EYS: variants seen among roughly 807,000 people sequenced by gnomAD.
The protein encoded by EYS is EGF-like photoreceptor maintenance factor, also known as protein eyes shut homolog.
Under a neutral mutation model 282.1 loss-of-function variants are expected in EYS, and 250 were observed. The observed-to-expected ratio is 0.89, with a 90% confidence interval of 0.80 to 0.98. The LOEUF is 0.98. Ranked by LOEUF, EYS falls within the 50% of genes least tolerant of loss-of-function variation. The pLI, the probability that EYS is intolerant of heterozygous loss-of-function variation, is 0.00. For missense variants in EYS, 4,016 were observed against 3,709.0 expected (o/e 1.08, Z -2.15); for synonymous variants, 1,355 against 1,282.9 (o/e 1.06, Z -1.20).
At chr6:65,449,191 T>C (rs1399067136) in intron 5 of EYS, among the ~76,000 whole-genome samples, 1 of 152,096 alleles carries the variant, frequency 6.6e-6, no homozygotes. Flanking sequence ...ATGGTTTCCT[T>C]GATGTTCTCA....
chr6:64,785,427 A>C (rs2132278), intron 22 of EYS, among the ~76,000 whole-genome samples: 62,953 of 152,020 alleles, frequency 0.41, 15,534 homozygotes, highest in Admixed American at 0.59. Context: ...TGAACAAATT[A>C]CCTAAGGTCA....
At chr6:64,919,785 A>T (rs1768279951) in intron 15 of EYS, among the ~76,000 whole-genome samples, 1 of 152,150 alleles carries the variant, frequency 6.6e-6, no homozygotes, top group African/African-American at 2.4e-5. Context: ...GAGTTATTTA[A>T]TTCAAGCTGC....
chr6:64,970,340 G>A (rs758831156), intron 14 of EYS, among the ~76,000 whole-genome samples: 1 of 152,110 alleles, frequency 6.6e-6, no homozygotes, highest in Non-Finnish European at 1.5e-5. Context: ...TGGGATTACA[G>A]GCATGGGCTC....
intron 6 of EYS, among the ~76,000 whole-genome samples, chr6:65,403,899 T>A (rs1470345962): frequency 2.6e-5 from 4 of 152,098 alleles, no homozygotes; most frequent in African/African-American, 9.7e-5. Flanking sequence ...CTATTAATAG[T>A]TCTTGATAGA....
At position 63,810,247 on chromosome 6, in the gene EYS, C is replaced by G. The variant is rs1270122452; in HGVS notation, c.7229-3875G>C. On this transcript the variant is annotated intron_variant, in intron 36 of 42. Coordinates refer to ENST00000503581, the MANE Select transcript of EYS (RefSeq NM_001142800.2). ...CTGCACTCCAGCCTGGGAGGCAGAG[C>G]GAGATTCCATCTCAAAAAAAAAAAA... Among the ~76,000 whole-genome samples, 8 of 134,624 alleles carry G rather than the reference C, an allele frequency of 5.9e-5. No individual in the cohort carries two copies. The East Asian group carries it at 1.7e-3, about 29-fold the overall frequency. The allele number at this position is 134,624 out of a possible 152,430, so 88.3% of individuals were successfully genotyped here.
intron 28 of EYS, among the ~76,000 whole-genome samples, chr6:64,395,662 T>C (rs1340051270): frequency 2.0e-5 from 3 of 151,094 alleles, no homozygotes; most frequent in Admixed American, 6.6e-5. Flanking sequence ...AGGGATAGCA[T>C]TGGCAGATAT....
At chr6:65,252,119 T>C (rs754246091) in intron 12 of EYS, among the ~76,000 whole-genome samples, 9 of 151,872 alleles carry the variant, frequency 5.9e-5, no homozygotes, top group Non-Finnish European at 1.2e-4. Flanking sequence ...GTCATGGAAG[T>C]GAAGAGCAGA....
intron 2 of EYS, among the ~76,000 whole-genome samples, chr6:65,613,253 A>C (rs936937765): frequency 6.6e-6 from 1 of 151,908 alleles, no homozygotes; most frequent in African/African-American, 2.4e-5. Flanking sequence ...ATAGATGTTC[A>C]GAATATTGGT....
At chr6:64,244,078 T>C (rs1259158359) in intron 30 of EYS, among the ~76,000 whole-genome samples, 1 of 152,156 alleles carries the variant, frequency 6.6e-6, no homozygotes, top group Non-Finnish European at 1.5e-5. Flanking sequence ...TCCCCAAATA[T>C]TTTTGAGTAC....
At chr6:63,975,847 G>A (rs1766810280) in intron 35 of EYS, among the ~76,000 whole-genome samples, 1 of 151,976 alleles carries the variant, frequency 6.6e-6, no homozygotes, top group Non-Finnish European at 1.5e-5. Flanking sequence ...ATGTCACTCA[G>A]TAACACTTCT....
At chr6:64,474,898 T>A (rs894770293) in intron 26 of EYS, among the ~76,000 whole-genome samples, 1 of 152,192 alleles carries the variant, frequency 6.6e-6, no homozygotes. Context: ...TTCCTCTTTT[T>A]GGCTACAGTA....
intron 22 of EYS, among the ~76,000 whole-genome samples, chr6:64,674,325 GACTTTATTC>G (rs1562126532): frequency 6.6e-6 from 1 of 151,916 alleles, no homozygotes; most frequent in African/African-American, 2.4e-5. Flanking sequence ...ATTTCTTTGA[GACTTTATTC>G]ACTAATATTT....
intron 34 of EYS, among the ~76,000 whole-genome samples, chr6:63,986,569 A>G (rs998197084): frequency 6.6e-6 from 1 of 151,888 alleles, no homozygotes; most frequent in Non-Finnish European, 1.5e-5. Context: ...TGGTACATAT[A>G]CACCATGGAT....
chr6:64,032,243 C>G (rs1030837564), intron 33 of EYS, among the ~76,000 whole-genome samples: 1 of 152,040 alleles, frequency 6.6e-6, no homozygotes, highest in South Asian at 2.1e-4. Context: ...TCCCGACGCA[C>G]CACCTTAAGA....
At chr6:64,309,374 T>C (rs1369063042) in intron 29 of EYS, among the ~76,000 whole-genome samples, 1 of 152,202 alleles carries the variant, frequency 6.6e-6, no homozygotes, top group Non-Finnish European at 1.5e-5. Flanking sequence ...TGCATATTAA[T>C]TTATTCACCT....
intron 33 of EYS, among the ~76,000 whole-genome samples, chr6:64,064,757 C>T (rs937092161): frequency 6.6e-6 from 1 of 152,126 alleles, no homozygotes; most frequent in African/African-American, 2.4e-5. Flanking sequence ...GCAATTATTT[C>T]ATGTATAACT....
intron 12 of EYS, among the ~76,000 whole-genome samples, chr6:65,191,863 T>C (rs186161625): frequency 1.3e-5 from 2 of 152,012 alleles, no homozygotes; most frequent in East Asian, 3.9e-4. Flanking sequence ...CCATGCTGCC[T>C]TGTGCCATTT....
Position 65,609,954 on chromosome 6 carries a change from C to T in EYS, c.-333+29824G>A, listed in dbSNP as rs567819413. ...AAAATATCCAGCCCAGGCTGGAATG[C>T]AATGGTGCAATTTTAGGTCATTGCA... On this transcript the variant is annotated intron_variant, in intron 2 of 42. Transcript: ENST00000503581. Among the ~76,000 whole-genome samples the T allele has an allele frequency of 1.3e-3, 193 of 152,264 alleles. 2 individuals carry two copies. Among genetic ancestry groups the T allele is most frequent in the African/African-American group, 4.5e-3 (186 of 41,560 alleles).
chr6:64,983,929 G>C (rs1244032317), intron 14 of EYS, among the ~76,000 whole-genome samples: 2 of 151,210 alleles, frequency 1.3e-5, no homozygotes, highest in Admixed American at 6.6e-5. Context: ...ACCTGGCATA[G>C]AGCATCTTTA....
Sources: allele counts gnomAD v4.1 joint callset (sites outside exome capture counted in the v4.1 genomes callset), GRCh38; gene constraint gnomAD v4.1.1; transcripts MANE v1.5; gene names NCBI Gene and HGNC (gene_info 2026-07-23, HGNC 2026-07-21).